The following RPSA2 variants were observed in gnomAD, a reference collection of about 807,000 sequenced individuals.
RPSA2 encodes small ribosomal subunit protein uS2B.
the RPSA2 span, among the ~76,000 whole-genome samples, chr19:23,826,244 A>G: frequency 6.7e-6 from 1 of 148,240 alleles, no homozygotes; most frequent in African/African-American, 2.5e-5. Context: ...CTCAGGCTGG[A>G]GTGCTGTGGC....
the RPSA2 span, among the ~76,000 whole-genome samples, chr19:23,855,525 T>A: frequency 6.6e-6 from 1 of 152,086 alleles, no homozygotes; most frequent in Non-Finnish European, 1.5e-5. Flanking sequence ...AATCCACTTG[T>A]TTGTTTGTTT....
At chr19:23,849,079 A>T in the RPSA2 span, among the ~76,000 whole-genome samples, 1 of 152,230 alleles carries the variant, frequency 6.6e-6, no homozygotes, top group African/African-American at 2.4e-5. Context: ...CTTTTCCTGG[A>T]GTCAAAATGG....
At chr19:23,827,381 G>A in the RPSA2 span, 1 of 1,499,588 alleles carries the variant, frequency 6.7e-7, no homozygotes, top group Admixed American at 1.7e-5. Context: ...CCCTGCTGAT[G>A]TCAGTGTTAT....
At chr19:23,848,520 G>A in the RPSA2 span, among the ~76,000 whole-genome samples, 24 of 152,052 alleles carry the variant, frequency 1.6e-4, no homozygotes, top group African/African-American at 5.8e-4. Context: ...CAGGCACAAT[G>A]TATAAACCAG....
chr19:23,859,557 G>C, the RPSA2 span, among the ~76,000 whole-genome samples: 1 of 152,138 alleles, frequency 6.6e-6, no homozygotes, highest in Non-Finnish European at 1.5e-5. Context: ...AAACTGGAAG[G>C]TGGAGGTTGC....
At chr19:23,831,189 C>T in the RPSA2 span, among the ~76,000 whole-genome samples, 1 of 152,014 alleles carries the variant, frequency 6.6e-6, no homozygotes, top group Admixed American at 6.6e-5. Flanking sequence ...TCATGAGAGA[C>T]TGAAACAAGT....
At chr19:23,836,122 A>T in the RPSA2 span, among the ~76,000 whole-genome samples, 1 of 151,990 alleles carries the variant, frequency 6.6e-6, no homozygotes, top group East Asian at 1.9e-4. Flanking sequence ...ACTGCATCAT[A>T]TATGTTGTCT....
At chr19:23,811,170 C>A in the RPSA2 span, among the ~76,000 whole-genome samples, 1 of 152,008 alleles carries the variant, frequency 6.6e-6, no homozygotes, top group Non-Finnish European at 1.5e-5. Flanking sequence ...AGGTGCCCGC[C>A]ACCACCCAGC....
At chr19:23,838,821 T>A in the RPSA2 span, among the ~76,000 whole-genome samples, 1 of 152,172 alleles carries the variant, frequency 6.6e-6, no homozygotes, top group African/African-American at 2.4e-5. Flanking sequence ...TCAGTGAGGT[T>A]ATTTGGATTT....
the RPSA2 span, among the ~76,000 whole-genome samples, chr19:23,812,878 A>G: frequency 9.8e-4 from 149 of 152,302 alleles, no homozygotes; most frequent in African/African-American, 3.2e-3. Context: ...AGTTTTTTAA[A>G]AAGTAACTGT....
chr19:23,820,782 G>A, the RPSA2 span, among the ~76,000 whole-genome samples: 1 of 152,188 alleles, frequency 6.6e-6, no homozygotes, highest in Non-Finnish European at 1.5e-5. Context: ...AAGGGCTCTT[G>A]TTAGAGCTAT....
the RPSA2 span, among the ~76,000 whole-genome samples, chr19:23,837,214 A>G: frequency 6.6e-6 from 1 of 152,124 alleles, no homozygotes; most frequent in Non-Finnish European, 1.5e-5. Flanking sequence ...CTAGCCTATT[A>G]TCCCAGTACC....
chr19:23,809,098 GT>G, the RPSA2 span: 3 of 155,680 alleles, frequency 1.9e-5, no homozygotes, highest in South Asian at 3.9e-4. Flanking sequence ...CTTTTTTCTT[GT>G]TTTTGTGGAC....
chr19:23,760,961 G>A, the RPSA2 span, among the ~76,000 whole-genome samples: 61 of 150,496 alleles, frequency 4.1e-4, no homozygotes, highest in Non-Finnish European at 1.8e-4. Flanking sequence ...TACCATGCCT[G>A]GCAAACATAC....
chr19:23,786,507 T>G, the RPSA2 span, among the ~76,000 whole-genome samples: 2 of 152,234 alleles, frequency 1.3e-5, no homozygotes, highest in Non-Finnish European at 2.9e-5. Flanking sequence ...ACCCATGTTA[T>G]GTGACTCTCC....
chr19:23,760,101 G>A, the RPSA2 span, among the ~76,000 whole-genome samples: 3 of 152,124 alleles, frequency 2.0e-5, no homozygotes, highest in African/African-American at 7.2e-5. Context: ...TAGAGCACAG[G>A]AGGTTCCTAA....
At chr19:23,793,394 CTTGTT>C in the RPSA2 span, among the ~76,000 whole-genome samples, 42 of 146,068 alleles carry the variant, frequency 2.9e-4, no homozygotes, top group African/African-American at 1.0e-3. Flanking sequence ...GAGTTTTGCT[CTTGTT>C]TTATTTGTAT....
At chr19:23,841,121 G>A in the RPSA2 span, among the ~76,000 whole-genome samples, 2 of 152,080 alleles carry the variant, frequency 1.3e-5, no homozygotes, top group African/African-American at 4.8e-5. Flanking sequence ...ATATGTATCA[G>A]CACCTGATAC....
chr19:23,814,927 C>G, the RPSA2 span, among the ~76,000 whole-genome samples: 1 of 152,124 alleles, frequency 6.6e-6, no homozygotes, highest in Non-Finnish European at 1.5e-5. Flanking sequence ...CTCACTGCAG[C>G]CTCAACCTAC....
Sources: gnomAD v4.1 joint callset for allele counts (sites outside exome capture counted in the v4.1 genomes callset) on GRCh38, gnomAD v4.1.1 for gene constraint, MANE v1.5 for transcripts, NCBI Gene and HGNC (gene_info 2026-07-23, HGNC 2026-07-21) for gene names.